The following SORCS2 variants were observed in gnomAD, a reference collection of about 807,000 sequenced individuals.
The protein encoded by SORCS2 is sortilin related VPS10 domain containing receptor 2, also known as VPS10 domain-containing receptor SorCS2.
SORCS2 carries 100 observed loss-of-function variants against 141.6 expected under a neutral mutation model. The ratio of observed to expected loss-of-function variants is 0.71; its 90% CI spans 0.60 to 0.83. The LOEUF (loss-of-function observed/expected upper bound fraction) is 0.83. SORCS2 is among the 40% of genes least tolerant of loss of function. SORCS2 has a pLI of 0.00. For synonymous variants in SORCS2, 789 were observed against 676.9 expected, an observed-to-expected ratio of 1.17 and a Z score of -2.57; for missense variants, 1,646 against 1,560.2, an observed-to-expected ratio of 1.05 and a Z score of -0.93.
chr4:7,655,242 CTT>C (rs1338245876), intron 5 of SORCS2, among the ~76,000 whole-genome samples: 1 of 148,414 alleles, frequency 6.7e-6, no homozygotes, highest in Non-Finnish European at 1.5e-5. Flanking sequence ...TAGCCTTTCT[CTT>C]TCTTATCCCA....
At chr4:7,644,043 G>A (rs1357433392) in intron 4 of SORCS2, among the ~76,000 whole-genome samples, 2 of 152,086 alleles carry the variant, frequency 1.3e-5, no homozygotes, top group Admixed American at 6.5e-5. Context: ...ACTCCCCTCT[G>A]GATATGTAAG....
rs545561339 is a variant in SORCS2, at chr4:7,501,967, C to T, written c.549-29563C>T. On this transcript the variant is annotated intron_variant, in intron 2 of 26. Transcript: ENST00000507866. ...AGCTCCTGATCTGCAGACTTGTGGG[C>T]GCACTCCCGGCTTCTGTGGACGCTG... Among the ~76,000 whole-genome samples, 13 of 152,310 alleles carry T rather than the reference C, an allele frequency of 8.5e-5. No individual in the cohort carries two copies. The East Asian group carries it at 1.7e-3, about 20-fold the overall frequency.
In SORCS2 at chr4:7,436,249, C is replaced by T. The variant is rs540254535; in HGVS notation, c.548+39894C>T. ...GTCATACCCCAGGTGGGGCTGGAGA[C>T]GTGGGTGTCCTTACCTGGACTTGGC... On this transcript the variant is annotated intron_variant, in intron 2 of 26. Coordinates refer to ENST00000507866, the MANE Select transcript of SORCS2 (RefSeq NM_020777.3). Among the ~76,000 whole-genome samples, 8 of 152,266 alleles carry T rather than the reference C, an allele frequency of 5.3e-5. 1 individual carries two copies. In the South Asian group the frequency reaches 6.2e-4, roughly 12 times the overall value.
chr4:7,665,011 C>T (rs1474853003), intron 7 of SORCS2, among the ~76,000 whole-genome samples: 1 of 152,238 alleles, frequency 6.6e-6, no homozygotes, highest in Non-Finnish European at 1.5e-5. Context: ...GCCTAGCCCT[C>T]TGCTGAGTAG....
chr4:7,721,316 C>T (rs1308556692), intron 18 of SORCS2, among the ~76,000 whole-genome samples: 1 of 152,056 alleles, frequency 6.6e-6, no homozygotes, highest in Non-Finnish European at 1.5e-5. Flanking sequence ...AAAAACAAAA[C>T]TTAGCCAGGT....
At chr4:7,229,452 A>G (rs1174875461) in intron 1 of SORCS2, among the ~76,000 whole-genome samples, 1 of 152,188 alleles carries the variant, frequency 6.6e-6, no homozygotes, top group Non-Finnish European at 1.5e-5. Flanking sequence ...TTCCAGAAAG[A>G]GAGCCTCTGT....
At chr4:7,284,924 C>G (rs370280190) in intron 1 of SORCS2, among the ~76,000 whole-genome samples, 1 of 152,118 alleles carries the variant, frequency 6.6e-6, no homozygotes, top group South Asian at 2.1e-4. Flanking sequence ...TCGTTTCACT[C>G]TCTGCCTTTG....
intron 3 of SORCS2, among the ~76,000 whole-genome samples, chr4:7,620,944 C>A (rs761289043): frequency 6.6e-6 from 1 of 152,152 alleles, no homozygotes; most frequent in Non-Finnish European, 1.5e-5. Flanking sequence ...CCCCCAAGTG[C>A]CCTTCTCCTG....
At chr4:7,541,338 C>G (rs1300338928) in intron 3 of SORCS2, among the ~76,000 whole-genome samples, 1 of 152,230 alleles carries the variant, frequency 6.6e-6, no homozygotes, top group African/African-American at 2.4e-5. Context: ...CTGGGGCTGC[C>G]ACCATCATGG....
chr4:7,670,456 A>G (rs1018701074), intron 8 of SORCS2, among the ~76,000 whole-genome samples: 4 of 152,236 alleles, frequency 2.6e-5, no homozygotes, highest in Non-Finnish European at 4.4e-5. Context: ...TTAAAGTGAA[A>G]TATTCCTGTA....
chr4:7,665,006 G>GC (rs1186762644), intron 7 of SORCS2, among the ~76,000 whole-genome samples: 1 of 152,196 alleles, frequency 6.6e-6, no homozygotes, highest in Non-Finnish European at 1.5e-5. Flanking sequence ...AAACAGCCTA[G>GC]CCCTCTGCTG....
At chr4:7,433,758 T>C (rs1727064504) in intron 2 of SORCS2, 1 of 1,613,298 alleles carries the variant, frequency 6.2e-7, no homozygotes, top group Admixed American at 1.7e-5. Flanking sequence ...CATCATGGAC[T>C]GCCCGGGCCC....
At chr4:7,707,054 G>A (rs1246124267) in intron 14 of SORCS2, among the ~76,000 whole-genome samples, 2 of 152,190 alleles carry the variant, frequency 1.3e-5, no homozygotes, top group Non-Finnish European at 2.9e-5. Flanking sequence ...AGCAAAACCT[G>A]TGGCCAAGTC....
chr4:7,264,049 GC>G (rs937812511), intron 1 of SORCS2, among the ~76,000 whole-genome samples: 1 of 152,186 alleles, frequency 6.6e-6, no homozygotes, highest in African/African-American at 2.4e-5. Flanking sequence ...GGTCACAGAG[GC>G]CCCCCTCCCT....
chr4:7,695,896 ATGG>A, intron 11 of SORCS2, among the ~76,000 whole-genome samples: 1 of 92,072 alleles, frequency 1.1e-5, no homozygotes, highest in East Asian at 3.7e-4. Flanking sequence ...GGATGGATGG[ATGG>A]ATGGATGGAT....
rs1275774568 is a variant in SORCS2 at position 7,478,292 on chromosome 4, G to A, written c.549-53238G>A. Among the ~76,000 whole-genome samples, 3 of 152,142 alleles carry A rather than the reference G, an allele frequency of 2.0e-5. No homozygotes were observed. The East Asian group carries it at 5.8e-4, about 29-fold the overall frequency. ...GCTCGCTTCCTTTCAGGGGCTATGG[G>A]CAGCCCAGGAGACCCCTCCCCATGG... On this transcript the variant is annotated intron_variant, in intron 2 of 26. Coordinates refer to ENST00000507866, the MANE Select transcript of SORCS2 (RefSeq NM_020777.3).
At position 7,391,690 on chromosome 4, in the gene SORCS2, T is replaced by C. The variant is rs368737640; in HGVS notation, c.481-4598T>C. On this transcript the variant is annotated intron_variant, in intron 1 of 26. Transcript: ENST00000507866. ...GGGGGCTGGGCTGTGGATGTGGATC[T>C]ACCAGGACCAGGGTCTGTCCCCGCC... 7.1e-4 allele frequency among the ~76,000 whole-genome samples: 108 copies of C among 152,314 alleles called. 1 individual carries two copies. The highest frequency in any genetic ancestry group is 2.3e-3 in the African/African-American group (97 of 41,558).
chr4:7,734,404 G>A (rs747406852), intron 25 of SORCS2, 30 bp downstream of exon 25: 8 of 1,441,402 alleles, frequency 5.6e-6, no homozygotes, highest in Non-Finnish European at 7.4e-6. Flanking sequence ...TCCTCTGCGG[G>A]GCTCTGACCA....
At chr4:7,265,363 T>C (rs1714656020) in intron 1 of SORCS2, among the ~76,000 whole-genome samples, 1 of 152,158 alleles carries the variant, frequency 6.6e-6, no homozygotes, top group African/African-American at 2.4e-5. Context: ...TGCTGGTGTG[T>C]GCCTGTGGTC....
Sources: allele counts gnomAD v4.1 joint callset (sites outside exome capture counted in the v4.1 genomes callset), GRCh38; gene constraint gnomAD v4.1.1; transcripts MANE v1.5; gene names NCBI Gene and HGNC (gene_info 2026-07-23, HGNC 2026-07-21).